Variants in MICU2 observed in about 807,000 individuals in gnomAD.
MICU2 encodes the protein calcium uptake protein 2, mitochondrial.
A neutral mutation model predicts 60.4 loss-of-function variants in MICU2; 64 were observed. The observed-to-expected ratio is 1.06, with a 90% CI of 0.87 to 1.31. The LOEUF (loss-of-function observed/expected upper bound fraction) is 1.31, where lower values mean the gene tolerates loss of function less well. Ranked by LOEUF, MICU2 falls within the 50% of genes most tolerant of loss-of-function variation. The pLI is 0.00. For synonymous variants in MICU2, 201 were observed against 175.0 expected (o/e 1.15, Z -1.17); for missense variants, 569 against 531.0 (o/e 1.07, Z -0.70).
chr13:21,499,530 C>A (rs569732875), intron 9 of MICU2, among the ~76,000 whole-genome samples: 5 of 151,914 alleles, frequency 3.3e-5, no homozygotes, highest in Non-Finnish European at 5.9e-5. Context: ...CCTGCCTCTG[C>A]CTCCCGAGTA....
chr13:21,541,435 A>T (rs1018971336), intron 2 of MICU2, among the ~76,000 whole-genome samples: 1 of 152,192 alleles, frequency 6.6e-6, no homozygotes, highest in African/African-American at 2.4e-5. Context: ...GGTAAAAAGT[A>T]AATTATAAAA....
chr13:21,585,096 T>G (rs940297299), intron 1 of MICU2, among the ~76,000 whole-genome samples: 1 of 152,228 alleles, frequency 6.6e-6, no homozygotes, highest in Admixed American at 6.5e-5. Flanking sequence ...AATGAAGGAA[T>G]GTAAGACAAC....
chr13:21,581,832 A>G (rs1888354941), intron 1 of MICU2, among the ~76,000 whole-genome samples: 1 of 152,164 alleles, frequency 6.6e-6, no homozygotes, highest in Non-Finnish European at 1.5e-5. Flanking sequence ...TCACCAGCTA[A>G]AGCAGATTAA....
Position 21,513,739 on chromosome 13 carries a change from C to CAAAAA in MICU2, c.663+609_663+613dup, listed in dbSNP as rs376128312. 3.4e-3 allele frequency among the ~76,000 whole-genome samples: 203 copies of CAAAAA among 59,098 alleles called. 36 individuals are homozygous for CAAAAA. The highest frequency in any genetic ancestry group is 0.019 in the East Asian group (28 of 1,458). The allele number at this position is 59,098 out of a possible 152,430, so 38.8% of individuals were successfully genotyped here. On this transcript the variant is annotated intron_variant, in intron 7 of 11. Coordinates refer to ENST00000382374, the MANE Select transcript of MICU2 (RefSeq NM_152726.3). ...TGGGAGACTGAGTGAGACTCTGTCT[C>CAAAAA]AAAAAAAAAAAAAAAAAAAAAAAAA... is the stretch of plus-strand genomic sequence containing the variant.
rs149891679 is a variant in MICU2, at chr13:21,550,600, C to T, written c.359-10912G>A. Among the ~76,000 whole-genome samples the T allele has an allele frequency of 5.9e-3, 893 of 152,166 alleles. 9 individuals are homozygous for T. Among genetic ancestry groups the T allele is most frequent in the African/African-American group, 0.019 (803 of 41,510 alleles). On this transcript the variant is annotated intron_variant, in intron 2 of 11. Transcript: ENST00000382374. ...AGGGGTCTACCAATTATGGGAATAA[C>T]GCTCATTATAAAACGTTTAAAAGCT...
intron 1 of MICU2, among the ~76,000 whole-genome samples, chr13:21,572,083 T>C (rs1006880679): frequency 3.3e-5 from 5 of 152,202 alleles, no homozygotes; most frequent in East Asian, 1.9e-4. Flanking sequence ...AACCCTGCCA[T>C]ATTAAAAACA....
At chr13:21,567,137 G>T (rs942108268) in intron 1 of MICU2, among the ~76,000 whole-genome samples, 193 bp from the exon 2 acceptor site, 1 of 152,028 alleles carries the variant, frequency 6.6e-6, no homozygotes, top group African/African-American at 2.4e-5. Context: ...CTAACTTGAG[G>T]GAAGTGACAT....
At chr13:21,497,817 C>T (rs1306912555) in intron 9 of MICU2, among the ~76,000 whole-genome samples, 2 of 152,194 alleles carry the variant, frequency 1.3e-5, no homozygotes, top group Non-Finnish European at 2.9e-5. Context: ...GTCCAGATCA[C>T]AGCTCACTGC....
intron 9 of MICU2, chr13:21,496,364 T>C: frequency 4.1e-6 from 2 of 484,856 alleles, no homozygotes; most frequent in Non-Finnish European, 7.3e-6. Context: ...GTGTGCAGGC[T>C]GGGCAAGAGG....
intron 4 of MICU2, among the ~76,000 whole-genome samples, chr13:21,523,968 G>A (rs532677409): frequency 6.6e-6 from 1 of 152,298 alleles, no homozygotes; most frequent in East Asian, 1.9e-4. Flanking sequence ...AATGAATATG[G>A]TGATGTTTGA....
intron 2 of MICU2, among the ~76,000 whole-genome samples, chr13:21,566,443 T>C (rs2138039438): frequency 6.6e-6 from 1 of 152,288 alleles, no homozygotes; most frequent in East Asian, 1.9e-4. Context: ...CAGGATTTTC[T>C]ACCTGTGACA....
intron 2 of MICU2, among the ~76,000 whole-genome samples, chr13:21,564,627 C>CA (rs1257276222): frequency 6.6e-6 from 1 of 152,054 alleles, no homozygotes; most frequent in East Asian, 1.9e-4. Flanking sequence ...ACAAGAAGGC[C>CA]AGAGGGGGAT....
At chr13:21,537,804 T>C (rs188858541) in intron 4 of MICU2, among the ~76,000 whole-genome samples, 1 of 152,118 alleles carries the variant, frequency 6.6e-6, no homozygotes, top group East Asian at 1.9e-4. Context: ...ATAAAGAAAA[T>C]CAAGGCTACT....
At chr13:21,574,963 AT>A (rs1482000612) in intron 1 of MICU2, among the ~76,000 whole-genome samples, 43 of 152,368 alleles carry the variant, frequency 2.8e-4, no homozygotes, top group African/African-American at 1.0e-3. Flanking sequence ...ATGCCTCACA[AT>A]ACATTCTACA....
intron 3 of MICU2, 71 bp from the exon 4 acceptor site, chr13:21,539,448 A>C: frequency 7.0e-7 from 1 of 1,428,696 alleles, no homozygotes; most frequent in Non-Finnish European, 9.7e-7. Flanking sequence ...ACAGACGCCC[A>C]CCTCCATAGC....
chr13:21,498,112 G>A (rs1886047530), intron 9 of MICU2, among the ~76,000 whole-genome samples: 1 of 152,046 alleles, frequency 6.6e-6, no homozygotes, highest in African/African-American at 2.4e-5. Context: ...GTTTCTCTTT[G>A]TAGGATGCTG....
intron 1 of MICU2, among the ~76,000 whole-genome samples, chr13:21,578,701 C>T (rs1403185607): frequency 6.6e-6 from 1 of 152,028 alleles, no homozygotes; most frequent in Non-Finnish European, 1.5e-5. Flanking sequence ...TTTAGATAAC[C>T]AGGTATATAC....
At chr13:21,530,085 C>T (rs1407195680) in intron 4 of MICU2, among the ~76,000 whole-genome samples, 2 of 152,226 alleles carry the variant, frequency 1.3e-5, no homozygotes, top group Non-Finnish European at 2.9e-5. Flanking sequence ...AGTTCTGCCT[C>T]ATCTTTTACC....
chr13:21,540,846 G>A (rs907523902), intron 2 of MICU2, among the ~76,000 whole-genome samples: 2 of 152,076 alleles, frequency 1.3e-5, no homozygotes, highest in Admixed American at 6.5e-5. Context: ...ATCTAAGTGA[G>A]TGAATGTGTA....
Sources: allele counts gnomAD v4.1 joint callset (sites outside exome capture counted in the v4.1 genomes callset), GRCh38; gene constraint gnomAD v4.1.1; transcripts MANE v1.5; gene names NCBI Gene and HGNC (gene_info 2026-07-23, HGNC 2026-07-21).